The following ANKFN1 variants were observed in gnomAD, a reference collection of about 807,000 sequenced individuals.
ANKFN1 encodes the protein ankyrin repeat and fibronectin type-III domain-containing protein 1.
ANKFN1 carries 74 observed loss-of-function variants against 108.7 expected under a neutral mutation model. The observed-to-expected ratio is 0.68, with a 90% CI of 0.56 to 0.83. The LOEUF (loss-of-function observed/expected upper bound fraction) is 0.83, where lower values mean the gene tolerates loss of function less well. ANKFN1 is among the 40% of genes least tolerant of loss of function. The probability of loss-of-function intolerance (pLI) is 0.00; values close to 1 mark genes in which losing one functional copy is unlikely to be tolerated. For missense variants in ANKFN1, 1,505 were observed against 1,382.3 expected (o/e 1.09, Z -1.41); for synonymous variants, 547 against 516.2 (o/e 1.06, Z -0.81).
intron 3 of ANKFN1, among the ~76,000 whole-genome samples, chr17:56,245,242 G>A (rs1369585163): frequency 6.6e-6 from 1 of 152,094 alleles, no homozygotes; most frequent in African/African-American, 2.4e-5. Flanking sequence ...TGAACCTGTG[G>A]TTCCTCATGT....
chr17:56,181,893 C>G (rs553226816), intron 1 of ANKFN1, among the ~76,000 whole-genome samples: 60 of 152,234 alleles, frequency 3.9e-4, no homozygotes, highest in Middle Eastern at 3.4e-3. Flanking sequence ...AACTTCGTAT[C>G]TCTGTGTCAC....
intron 15 of ANKFN1, chr17:56,471,641 A>G (rs1260785419): frequency 1.3e-5 from 2 of 152,234 alleles, no homozygotes; most frequent in African/African-American, 4.8e-5. Context: ...AGTAAACTAG[A>G]TGGCAAACAA....
intron 1 of ANKFN1, among the ~76,000 whole-genome samples, chr17:56,164,069 A>G (rs537228719): frequency 1.4e-4 from 21 of 152,112 alleles, no homozygotes; most frequent in African/African-American, 5.1e-4. Context: ...AAAAATGTGG[A>G]CCCCCAAGGC....
intron 4 of ANKFN1, among the ~76,000 whole-genome samples, chr17:56,109,151 G>A (rs1905815068): frequency 6.6e-6 from 1 of 152,168 alleles, no homozygotes; most frequent in Non-Finnish European, 1.5e-5. Context: ...ATCTACCACT[G>A]TATTTATCAG....
chr17:56,395,872 G>A (rs1311520149), intron 8 of ANKFN1, among the ~76,000 whole-genome samples: 1 of 152,032 alleles, frequency 6.6e-6, no homozygotes, highest in Non-Finnish European at 1.5e-5. Context: ...AAGGTGGGGG[G>A]AAGCATGATT....
In ANKFN1 at chr17:56,221,510, T is replaced by A. The variant is rs142661995; in HGVS notation, c.13-6407T>A. ...ATGTACAAGAAATTAATACTTTTTTTAAGAAGTTCAGTGATAGCCAGATAT... is the reference window on the plus strand; with the variant it reads ...ATGTACAAGAAATTAATACTTTTTTAAAGAAGTTCAGTGATAGCCAGATAT... On this transcript the variant is annotated intron_variant, in intron 2 of 20. Coordinates refer to ENST00000682825, the MANE Select transcript of ANKFN1 (RefSeq NM_001370326.1). Among the ~76,000 whole-genome samples the A allele has an allele frequency of 6.6e-5, 10 of 152,330 alleles. No homozygotes were observed. In the East Asian group the frequency reaches 1.2e-3, roughly 18 times the overall value.
At chr17:56,318,114 C>A (rs992668078) in intron 3 of ANKFN1, among the ~76,000 whole-genome samples, 1 of 152,124 alleles carries the variant, frequency 6.6e-6, no homozygotes, top group African/African-American at 2.4e-5. Flanking sequence ...CTTGTAACTG[C>A]CTTTTTTTAA....
chr17:56,473,259 G>T (rs1341454458), intron 15 of ANKFN1: 1 of 152,148 alleles, frequency 6.6e-6, no homozygotes, highest in Non-Finnish European at 1.5e-5. Context: ...ATCCATTTTG[G>T]CTAGAGATAA....
Position 56,087,946 on chromosome 17 carries a change from G to A in ANKFN1, c.288+41621G>A, listed in dbSNP as rs77179935. 1.9e-4 allele frequency among the ~76,000 whole-genome samples: 28 copies of A among 151,182 alleles called. 1 individual carries two copies. In the East Asian group the frequency reaches 5.4e-3, roughly 29 times the overall value. Reference sequence around the variant, plus strand: ...TCTATGTACATACCTCTATATGTGTGTGTGTGTTTGTGTGTATGTGTTTGT... The same window carrying A: ...TCTATGTACATACCTCTATATGTGTATGTGTGTTTGTGTGTATGTGTTTGT... On this transcript the variant is annotated intron_variant, in intron 4 of 12. Transcript: ENST00000635860.
chr17:56,293,484 G>A (rs990888786), intron 3 of ANKFN1, among the ~76,000 whole-genome samples: 1 of 152,194 alleles, frequency 6.6e-6, no homozygotes, highest in African/African-American at 2.4e-5. Context: ...TTATTCCAAT[G>A]TATTCTTGCA....
intron 1 of ANKFN1, among the ~76,000 whole-genome samples, chr17:56,167,269 A>ATATATG: frequency 2.8e-5 from 1 of 36,136 alleles, no homozygotes; most frequent in African/African-American, 8.2e-5. Flanking sequence ...GTGTATATAT[A>ATATATG]TATACATATA....
intron 4 of ANKFN1, among the ~76,000 whole-genome samples, chr17:56,335,816 A>C (rs541955255): frequency 2.6e-5 from 4 of 152,188 alleles, no homozygotes; most frequent in Non-Finnish European, 5.9e-5. Flanking sequence ...GAGGGCTTCC[A>C]GTTTCTGCCC....
chr17:56,508,819 C>T (rs891466205), intron 20 of ANKFN1, among the ~76,000 whole-genome samples: 2 of 152,198 alleles, frequency 1.3e-5, no homozygotes, highest in Non-Finnish European at 2.9e-5. Context: ...ACAGTAAACT[C>T]CCTAGAGACA....
chr17:56,054,193 C>A (rs1432048867), intron 4 of ANKFN1, among the ~76,000 whole-genome samples: 1 of 152,164 alleles, frequency 6.6e-6, no homozygotes, highest in Non-Finnish European at 1.5e-5. Context: ...AGTAGATCTA[C>A]CATTTGATCC....
intron 4 of ANKFN1, among the ~76,000 whole-genome samples, chr17:56,047,951 C>T (rs1367903467): frequency 3.3e-5 from 5 of 152,168 alleles, no homozygotes; most frequent in South Asian, 2.1e-4. Context: ...ATTGCAGAAA[C>T]GTTACAGTGT....
intron 4 of ANKFN1, among the ~76,000 whole-genome samples, chr17:56,046,778 G>A (rs1053123126): frequency 7.2e-5 from 11 of 152,156 alleles, no homozygotes; most frequent in African/African-American, 2.4e-4. Context: ...CTGGTTCTCA[G>A]CTGGAGTTGC....
At chr17:56,371,531 C>T (rs1200499547) in intron 6 of ANKFN1, among the ~76,000 whole-genome samples, 1 of 152,126 alleles carries the variant, frequency 6.6e-6, no homozygotes, top group South Asian at 2.1e-4. Flanking sequence ...GATTTCTTTC[C>T]CACCCACCAG....
At chr17:56,140,541 C>T (rs75107097) in intron 4 of ANKFN1, among the ~76,000 whole-genome samples, 1,779 of 152,282 alleles carry the variant, frequency 0.012, 33 homozygotes, top group African/African-American at 0.04. Context: ...TCCAACCAAA[C>T]TTCTTTTCCC....
At chr17:56,090,870 A>C (rs1227985752) in intron 4 of ANKFN1, among the ~76,000 whole-genome samples, 1 of 151,182 alleles carries the variant, frequency 6.6e-6, no homozygotes, top group African/African-American at 2.4e-5. Context: ...GGCATCCCAA[A>C]GTGCTGGGAT....
Sources: allele counts gnomAD v4.1 joint callset (sites outside exome capture counted in the v4.1 genomes callset), GRCh38; gene constraint gnomAD v4.1.1; transcripts MANE v1.5; gene names NCBI Gene and HGNC (gene_info 2026-07-23, HGNC 2026-07-21).